The following KIF22 variants were observed in gnomAD, a reference collection of about 807,000 sequenced individuals.
KIF22 encodes the protein kinesin family member 22.
In KIF22, 62 loss-of-function variants were observed where a neutral mutation model predicts 73.0. The ratio of observed to expected loss-of-function variants is 0.85; its 90% confidence interval spans 0.69 to 1.05. The LOEUF (loss-of-function observed/expected upper bound fraction) is 1.05. Among genes scored for constraint, KIF22 ranks in the 50% least tolerant of loss-of-function variants. The pLI is 0.00. For missense variants in KIF22, 854 were observed against 870.1 expected (o/e 0.98, Z 0.23); for synonymous variants, 411 against 340.1 (o/e 1.21, Z -2.29).
intron 8 of KIF22, among the ~76,000 whole-genome samples, chr16:29,801,906 C>G (rs1899150189): frequency 6.6e-6 from 1 of 152,026 alleles, no homozygotes; most frequent in Non-Finnish European, 1.5e-5. Flanking sequence ...ATCAAACTGA[C>G]CTGGAAAGAT....
intron 1 of KIF22, among the ~76,000 whole-genome samples, chr16:29,795,133 A>G (rs1049953994): frequency 2.0e-5 from 3 of 152,318 alleles, no homozygotes; most frequent in South Asian, 4.1e-4. Context: ...GGTCCTGCAC[A>G]TATTTTTGAC....
chr16:29,801,937 G>A lies in KIF22; in HGVS notation c.1281-832G>A, dbSNP rs144202144. ...AAGATTATTGATACAGATGTGAGGA[G>A]GTGTGGGGCAAGATTCCAGGCAAAA... On this transcript the variant is annotated intron_variant, in intron 8 of 13. Transcript: ENST00000160827. Among the ~76,000 whole-genome samples, 11 of 152,224 alleles carry A rather than the reference G, an allele frequency of 7.2e-5. No homozygotes were observed. In the East Asian group the frequency reaches 1.9e-3, roughly 27 times the overall value.
In KIF22 at chr16:29,805,174, G is replaced by A. The variant is rs752589569; in HGVS notation, c.1950G>A (p.Lys650=). The A allele has an allele frequency of 1.5e-5, 24 of 1,614,110 alleles. No individual in the cohort carries two copies. Among genetic ancestry groups the A allele is most frequent in the Non-Finnish European group, 1.9e-5 (22 of 1,180,014 alleles). The change falls in exon 13 of 14, where the codon AAG becomes AAA. Residue 650 remains lysine, a splice_region_variant and synonymous_variant. Coordinates refer to ENST00000160827, the MANE Select transcript of KIF22 (RefSeq NM_007317.3). ...GGAAACAGATGGAGTCCTTCCTGAA[G>A]GTGAAGTCACGGCCCTGCCCCTCCT... ...ITGKQMESFL[K]ANILGLAAGQ... is the part of the protein sequence containing the mutation.
intron 11 of KIF22, chr16:29,804,468 C>T (rs964861274): frequency 4.6e-6 from 3 of 646,794 alleles, no homozygotes; most frequent in Non-Finnish European, 8.5e-6. Flanking sequence ...TTACTTTCTC[C>T]CATGTACTTT....
In KIF22 at chr16:29,799,975, C is replaced by G. The variant is rs372409920; in HGVS notation, c.1207C>G (p.Arg403Gly). Residue 403 changes from arginine to glycine, a missense_variant, in exon 8 of 14, where the codon CGA (arginine) becomes GGA (glycine). By Grantham distance (125) the Arg-to-Gly change is moderately radical. This residue lies in a region of KIF22 where 423 missense variants were observed against 365.4 expected (regional missense o/e 1.16). Transcript: ENST00000160827. ...TGGTCCACCAGAGGCAAAGAGAGCC[C>G]GAGGCCCTGAGGAAGAGGAGATCGG... ...LLGPPEAKRARGPEEEEIGSP... is the reference protein window; with the variant it reads ...LLGPPEAKRAGGPEEEEIGSP... The G allele has an allele frequency of 9.4e-5, 151 of 1,613,966 alleles. No homozygotes were observed. The highest frequency in any genetic ancestry group is 1.2e-4 in the Non-Finnish European group (146 of 1,180,024).
chr16:29,799,522 G>A (rs751710211), intron 6 of KIF22, 28 bp downstream of exon 6: 6 of 1,613,188 alleles, frequency 3.7e-6, no homozygotes, highest in Non-Finnish European at 5.1e-6. Flanking sequence ...CAGGGAAGAA[G>A]GGGCTGCAGA....
In KIF22 at chr16:29,803,567, C is replaced by G; in HGVS notation, c.1568C>G (p.Ala523Gly). ...RPLSHRTVTG[A>G]KPLKKAVVMP... ...CTTTCACATCGCACAGTCACAGGGG[C>G]AAAGCCCCTGAAAAAGGCTGTGGTG... is the stretch of plus-strand genomic sequence containing the variant. The change falls in exon 10 of 14, where the codon GCA becomes GGA. Residue 523 changes from alanine to glycine, a missense_variant. By Grantham distance (60) the Ala-to-Gly change is moderately conservative. Coordinates refer to ENST00000160827, the MANE Select transcript of KIF22 (RefSeq NM_007317.3). The G allele has an allele frequency of 6.2e-7, 1 of 1,613,162 alleles. No individual in the cohort carries two copies. Among genetic ancestry groups the G allele is most frequent in the South Asian group, 1.1e-5 (1 of 90,860 alleles).
intron 11 of KIF22, 171 bp from the exon 12 acceptor site, chr16:29,804,643 A>G (rs1899285117): frequency 1.4e-6 from 1 of 703,336 alleles, no homozygotes; most frequent in Non-Finnish European, 2.6e-6. Flanking sequence ...CACTAGTTGC[A>G]TAATAAGAAT....
At chr16:29,803,012 A>G in intron 9 of KIF22, 75 bp downstream of exon 9, 1 of 1,449,748 alleles carries the variant, frequency 6.9e-7, no homozygotes, top group African/African-American at 1.4e-5. Context: ...CAGACAGGGA[A>G]GGACACTCAG....
chr16:29,803,712 A>T, intron 10 of KIF22, 104 bp downstream of exon 10: 2 of 986,944 alleles, frequency 2.0e-6, no homozygotes, highest in Non-Finnish European at 3.0e-6. Flanking sequence ...CTCCCACCAC[A>T]TACCAGTCCC....
In KIF22 at chr16:29,798,949, G is replaced by A; in HGVS notation, c.550-26G>A. ...AGAAACAGCCTCTCTATGGAGAATT[G>A]CCCTTCCCCTTCACTGCTTACACAG... On this transcript the variant is annotated intron_variant, in intron 4 of 13. Transcript: ENST00000160827. This position sits in a 1 kb window ranked among gnomAD's most constrained non-coding sequence, Gnocchi z 4.1. 10 of 1,606,746 alleles carry A rather than the reference G, an allele frequency of 6.2e-6. No homozygotes were observed. Among genetic ancestry groups the A allele is most frequent in the Non-Finnish European group, 8.5e-6 (10 of 1,173,358 alleles).
intron 8 of KIF22, chr16:29,800,289 C>A (rs1418798583): frequency 5.8e-6 from 2 of 343,350 alleles, no homozygotes; most frequent in African/African-American, 4.3e-5. Context: ...AACCTCATCT[C>A]TACTAAAAAA....
In KIF22 at chr16:29,805,116, T is replaced by A. The variant is rs1346900526; in HGVS notation, c.1892T>A (p.Val631Glu). ...WRELHGPFSQVEDLERVEGIT... is the reference protein window; with the variant it reads ...WRELHGPFSQEEDLERVEGIT... ...CCCCTATCGATCCTGTCCCGCCAGGTGGAGGACCTGGAACGCGTGGAGGGC... is the reference window on the plus strand; with the variant it reads ...CCCCTATCGATCCTGTCCCGCCAGGAGGAGGACCTGGAACGCGTGGAGGGC... Residue 631 changes from valine (V) to glutamate (E), a missense_variant and splice_region_variant, in exon 13 of 14, where the codon GTG (valine) becomes GAG (glutamate). This residue lies in a region of KIF22 where 423 missense variants were observed against 365.4 expected (regional missense o/e 1.16). Transcript: ENST00000160827. 6.2e-7 allele frequency: 1 copy of A among 1,613,072 alleles called. No individual in the cohort carries two copies. Among genetic ancestry groups the A allele is most frequent in the Non-Finnish European group, 8.5e-7 (1 of 1,179,882 alleles).
intron 8 of KIF22, among the ~76,000 whole-genome samples, chr16:29,802,279 A>C (rs1207287399): frequency 6.6e-6 from 1 of 151,074 alleles, no homozygotes; most frequent in African/African-American, 2.4e-5. Flanking sequence ...AAAAAAAAAA[A>C]AAAAAAAAAA....
At chr16:29,793,184 T>G (rs2142365202) in intron 1 of KIF22, among the ~76,000 whole-genome samples, 1 of 152,286 alleles carries the variant, frequency 6.6e-6, no homozygotes, top group Middle Eastern at 3.4e-3. Flanking sequence ...GGCTCACGCC[T>G]GTAATCCCAG....
chr16:29,805,140 G>T lies in KIF22; in HGVS notation c.1916G>T (p.Gly639Val), dbSNP rs747524383. ...SQVEDLERVEGITGKQMESFL... is the reference protein window; with the variant it reads ...SQVEDLERVEVITGKQMESFL... ...GTGGAGGACCTGGAACGCGTGGAGG[G>T]CATAACGGGGAAACAGATGGAGTCC... Residue 639 changes from glycine to valine, a missense_variant, in exon 13 of 14, where the codon GGC (glycine) becomes GTC (valine). This residue lies in a region of KIF22 where 423 missense variants were observed against 365.4 expected (regional missense o/e 1.16). Transcript: ENST00000160827. 18 of 1,613,824 alleles carry T rather than the reference G, an allele frequency of 1.1e-5. No homozygotes were observed. The highest frequency in any genetic ancestry group is 1.6e-4 in the Middle Eastern group (1 of 6,062).
Position 29,798,968 on chromosome 16 carries a change from T to C in KIF22, c.550-7T>C. On this transcript the variant is annotated splice_region_variant and splice_polypyrimidine_tract_variant and intron_variant, in intron 4 of 13. Transcript: ENST00000160827. The surrounding 1 kb of genome is among the most constrained non-coding windows in gnomAD (Gnocchi z 4.1). The stretch of plus-strand genomic sequence containing the variant: ...AGAATTGCCCTTCCCCTTCACTGCT[T>C]ACACAGGTATTAGACCTCCTGGACC... The C allele has an allele frequency of 6.2e-7, 1 of 1,613,774 alleles. No individual in the cohort carries two copies. Among genetic ancestry groups the C allele is most frequent in the Non-Finnish European group, 8.5e-7 (1 of 1,179,654 alleles).
chr16:29,799,508 GTC>G lies in KIF22; in HGVS notation c.990+17_990+18del. ...CGCCTATTGCAGGTCAGGCCCACCT[GTC>G]TCAGGGAAGAAGGGGCTGCAGAAGG... On this transcript the variant is annotated intron_variant, in intron 6 of 13. Coordinates refer to ENST00000160827, the MANE Select transcript of KIF22 (RefSeq NM_007317.3). The G allele has an allele frequency of 6.2e-7, 1 of 1,613,724 alleles. No individual in the cohort carries two copies. Among genetic ancestry groups the G allele is most frequent in the Non-Finnish European group, 8.5e-7 (1 of 1,179,654 alleles).
In KIF22 at chr16:29,804,085, T is replaced by TA; in HGVS notation, c.1677+21dup. ...AGAAAGGTGAAAGTAGCTGGGGGCT[T>TA]AGGCTACACCTGGAGCCCAGAAGTA... is the stretch of plus-strand genomic sequence containing the variant. On this transcript the variant is annotated intron_variant, in intron 11 of 13. Coordinates refer to ENST00000160827, the MANE Select transcript of KIF22 (RefSeq NM_007317.3). The TA allele has an allele frequency of 6.3e-7, 1 of 1,599,030 alleles. No homozygotes were observed. Among genetic ancestry groups the TA allele is most frequent in the African/African-American group, 1.3e-5 (1 of 74,704 alleles).
Sources: allele counts gnomAD v4.1 joint callset (sites outside exome capture counted in the v4.1 genomes callset), GRCh38; gene constraint gnomAD v4.1.1; regional missense constraint gnomAD v4.1.1; non-coding constraint Gnocchi (gnomAD v3.1); transcripts MANE v1.5; gene names NCBI Gene and HGNC (gene_info 2026-07-23, HGNC 2026-07-21).